The following PLXNA4 variants were observed in gnomAD, a reference collection of about 807,000 sequenced individuals.
The protein encoded by PLXNA4 is plexin-A4.
A neutral mutation model predicts 191.8 loss-of-function variants in PLXNA4; 44 were observed. That is an observed-to-expected ratio of 0.23 (90% CI 0.18 to 0.29). PLXNA4 has a LOEUF of 0.29. PLXNA4 is among the 10% of genes least tolerant of loss of function. PLXNA4 has a pLI of 1.00. For missense variants in PLXNA4, 1,800 were observed against 2,488.8 expected, an observed-to-expected ratio of 0.72 and a Z score of 5.89; for synonymous variants, 1,082 against 1,009.5, an observed-to-expected ratio of 1.07 and a Z score of -1.36.
intron 3 of PLXNA4, among the ~76,000 whole-genome samples, chr7:132,393,148 A>T (rs1793584852): frequency 6.6e-6 from 1 of 151,638 alleles, no homozygotes; most frequent in Non-Finnish European, 1.5e-5. Flanking sequence ...TCCAAGGCCT[A>T]GCTCATGCTT....
intron 5 of PLXNA4, among the ~76,000 whole-genome samples, chr7:132,238,331 T>A (rs76679539): frequency 0.014 from 2,066 of 152,288 alleles, 48 homozygotes; most frequent in African/African-American, 0.047. Context: ...AGCAATGGCT[T>A]GGTATTCACT....
chr7:132,343,553 C>T (rs938144194), intron 3 of PLXNA4, among the ~76,000 whole-genome samples: 2 of 152,194 alleles, frequency 1.3e-5, no homozygotes, highest in African/African-American at 4.8e-5. Context: ...ACCATCCTTC[C>T]AGAGCCCCCT....
At chr7:132,169,504 A>C (rs1796220852) in intron 21 of PLXNA4, among the ~76,000 whole-genome samples, 1 of 152,248 alleles carries the variant, frequency 6.6e-6, no homozygotes, top group Admixed American at 6.5e-5. Flanking sequence ...TGGATACCAC[A>C]CAGCAATGAG....
At chr7:132,274,265 T>G (rs1174065196) in intron 4 of PLXNA4, among the ~76,000 whole-genome samples, 1 of 151,128 alleles carries the variant, frequency 6.6e-6, no homozygotes, top group Non-Finnish European at 1.5e-5. Flanking sequence ...TACGCTAATA[T>G]GTATATATAT....
intron 23 of PLXNA4, among the ~76,000 whole-genome samples, chr7:132,164,763 C>CG (rs953016508): frequency 3.3e-5 from 5 of 152,220 alleles, no homozygotes; most frequent in African/African-American, 4.8e-5. Flanking sequence ...CTGCACCGGC[C>CG]GGGGGGCCTT....
At chr7:132,220,635 T>C (rs1798111633) in intron 9 of PLXNA4, among the ~76,000 whole-genome samples, 1 of 151,644 alleles carries the variant, frequency 6.6e-6, no homozygotes, top group Admixed American at 6.6e-5. Flanking sequence ...CTAATTCCTT[T>C]CTCCGGGGCC....
At position 132,489,365 on chromosome 7, in the gene PLXNA4, G is replaced by A. The variant is rs770488984; in HGVS notation, c.1298C>T (p.Thr433Met). The change falls in exon 3 of 32, where the codon ACG (threonine) becomes ATG (methionine). Residue 433 changes from threonine (T) to methionine (M), a missense_variant. By Grantham distance (81) the Thr-to-Met change is moderately conservative (BLOSUM62 -1). Around this residue, in one of 6 missense-constraint regions of PLXNA4, gnomAD observed 1,397 missense variants for 1,880.4 expected, o/e 0.74. Coordinates refer to ENST00000321063, the MANE Select transcript of PLXNA4 (RefSeq NM_020911.2). ...CTTGTAGACATATGCGATGACAGAC[G>A]TCATGCGGTCCCTGTCCTCCGTGAA... ...PVFTEDRDRM[T>M]SVIAYVYKNH... 92 of 1,606,634 alleles carry A rather than the reference G, an allele frequency of 5.7e-5. No individual in the cohort carries two copies. The highest frequency in any genetic ancestry group is 9.4e-5 in the African/African-American group (7 of 74,836).
chr7:132,324,084 C>G (rs983948568), intron 3 of PLXNA4, among the ~76,000 whole-genome samples: 1 of 152,074 alleles, frequency 6.6e-6, no homozygotes. Context: ...AAATTAGGCT[C>G]TATCTAAAAA....
intron 3 of PLXNA4, among the ~76,000 whole-genome samples, chr7:132,455,178 C>A (rs1796268160): frequency 6.6e-6 from 1 of 152,194 alleles, no homozygotes; most frequent in South Asian, 2.1e-4. Flanking sequence ...ATCACGGTGG[C>A]TGTTCCGCTG....
In PLXNA4 at chr7:132,430,993, G is replaced by A. The variant is rs181698237; in HGVS notation, c.1371+58299C>T. Among the ~76,000 whole-genome samples the A allele has an allele frequency of 2.4e-3, 363 of 152,090 alleles. 2 individuals carry two copies. The highest frequency in any genetic ancestry group is 4.1e-3 in the Non-Finnish European group (281 of 67,988). ...GATTCATGGTTATGAGTGTAGACCC[G>A]GGAATCAGATAAACTGGGCTCAAGT... On this transcript the variant is annotated intron_variant, in intron 3 of 31. Transcript: ENST00000321063.
chr7:132,396,784 G>A (rs981872540), intron 3 of PLXNA4, among the ~76,000 whole-genome samples: 3 of 152,242 alleles, frequency 2.0e-5, no homozygotes, highest in African/African-American at 7.2e-5. Context: ...GAGCCACCGC[G>A]CCTGGCCAGC....
chr7:132,272,626 A>T (rs186596289), intron 4 of PLXNA4, among the ~76,000 whole-genome samples: 11 of 152,320 alleles, frequency 7.2e-5, no homozygotes, highest in Non-Finnish European at 1.2e-4. Flanking sequence ...TGATACTAGG[A>T]TACAGTATGA....
chr7:132,573,863 G>GA (rs1802097277), intron 1 of PLXNA4, among the ~76,000 whole-genome samples: 1 of 152,184 alleles, frequency 6.6e-6, no homozygotes, highest in South Asian at 2.1e-4. Flanking sequence ...AGGGTCTGCT[G>GA]AAAAGAAGCA....
intron 4 of PLXNA4, among the ~76,000 whole-genome samples, chr7:132,283,312 A>C (rs1800556959): frequency 6.6e-6 from 1 of 152,252 alleles, no homozygotes; most frequent in Non-Finnish European, 1.5e-5. Flanking sequence ...AGTAGGAGGC[A>C]GACTTTTAAT....
At chr7:132,443,391 A>G (rs960216914) in intron 3 of PLXNA4, among the ~76,000 whole-genome samples, 3 of 152,176 alleles carry the variant, frequency 2.0e-5, no homozygotes, top group Admixed American at 6.5e-5. Flanking sequence ...TAAATCAACT[A>G]GGCAATTTGC....
At chr7:132,562,158 CTTCTCCTCCTCCTCT>C (rs1378060242) in intron 1 of PLXNA4, among the ~76,000 whole-genome samples, 6 of 122,408 alleles carry the variant, frequency 4.9e-5, no homozygotes, top group Non-Finnish European at 8.4e-5. Context: ...TCCTTCTCTC[CTTCTCCTCCTCCTCT>C]TTCTCCTCCT....
At chr7:132,333,217 G>A (rs112477884) in intron 3 of PLXNA4, among the ~76,000 whole-genome samples, 1 of 152,206 alleles carries the variant, frequency 6.6e-6, no homozygotes, top group African/African-American at 2.4e-5. Flanking sequence ...ATCCCTGTGT[G>A]TGGCTAGTGG....
chr7:132,419,795 G>A (rs1470836369), intron 3 of PLXNA4, among the ~76,000 whole-genome samples: 2 of 152,212 alleles, frequency 1.3e-5, no homozygotes, highest in African/African-American at 2.4e-5. Flanking sequence ...TTCCGTTGCA[G>A]CATGACAGCT....
At chr7:132,366,824 C>CA (rs1453529361) in intron 3 of PLXNA4, among the ~76,000 whole-genome samples, 2 of 152,134 alleles carry the variant, frequency 1.3e-5, no homozygotes, top group African/African-American at 2.4e-5. Flanking sequence ...TGCAGTAGTG[C>CA]AATCATAGCT....
Sources: allele counts gnomAD v4.1 joint callset (sites outside exome capture counted in the v4.1 genomes callset), GRCh38; gene constraint gnomAD v4.1.1; regional missense constraint gnomAD v4.1.1; transcripts MANE v1.5; gene names NCBI Gene and HGNC (gene_info 2026-07-23, HGNC 2026-07-21).